KIAA1217: variants seen among roughly 807,000 people sequenced by gnomAD.
KIAA1217 encodes the protein sickle tail protein homolog.
KIAA1217 carries 88 observed loss-of-function variants against 163.9 expected under a neutral mutation model. The ratio of observed to expected loss-of-function variants is 0.54; its 90% CI spans 0.45 to 0.64. The LOEUF is 0.64. Among genes scored for constraint, KIAA1217 ranks in the 30% least tolerant of loss-of-function variants. KIAA1217 has a pLI of 0.00. For synonymous variants in KIAA1217, 903 were observed against 923.1 expected (o/e 0.98, Z 0.39); for missense variants, 2,372 against 2,475.0 (o/e 0.96, Z 0.88).
intron 2 of KIAA1217, among the ~76,000 whole-genome samples, chr10:24,105,457 G>T (rs911313152): frequency 1.3e-5 from 2 of 152,166 alleles, no homozygotes; most frequent in Non-Finnish European, 1.5e-5. Context: ...CCATCTCACA[G>T]GCGAGGATGA....
Position 23,768,301 on chromosome 10 carries a change from G to A in KIAA1217, c.-321+73067G>A, listed in dbSNP as rs533850483. Among the ~76,000 whole-genome samples the A allele has an allele frequency of 2.0e-5, 3 of 152,314 alleles. No individual in the cohort carries two copies. The East Asian group carries it at 5.8e-4, about 29-fold the overall frequency. On this transcript the variant is annotated intron_variant, in intron 1 of 18. Transcript: ENST00000376462. ...ATTCACCCCCAATGCTGGACACAGT[G>A]ACTTTGGAAACTCTCAAACAACTGG...
In KIAA1217 at chr10:24,309,150, A is replaced by AAGGG. The variant is rs1162538496; in HGVS notation, c.355-71701_355-71698dup. 9.2e-4 allele frequency among the ~76,000 whole-genome samples: 106 copies of AAGGG among 115,482 alleles called. 2 individuals are homozygous for AAGGG. Among genetic ancestry groups the AAGGG allele is most frequent in the Middle Eastern group, 4.2e-3 (1 of 236 alleles). The allele number at this position is 115,482 out of a possible 152,430, so 75.8% of individuals were successfully genotyped here. On this transcript the variant is annotated intron_variant, in intron 2 of 20. Coordinates refer to ENST00000376454, the MANE Select transcript of KIAA1217 (RefSeq NM_019590.5). ...AAAAAAAAAAAAAAAGGAAGGAAGG[A>AAGGG]AGGGAGGGAGGGAGGGAGGGAAGGA...
intron 1 of KIAA1217, among the ~76,000 whole-genome samples, chr10:23,951,711 T>C (rs1383410325): frequency 6.6e-6 from 1 of 152,158 alleles, no homozygotes; most frequent in Non-Finnish European, 1.5e-5. Flanking sequence ...GTTTTTAGTC[T>C]GCCGTGTGCA....
chr10:23,852,972 G>C (rs1839435395), intron 1 of KIAA1217, among the ~76,000 whole-genome samples: 1 of 152,182 alleles, frequency 6.6e-6, no homozygotes, highest in African/African-American at 2.4e-5. Context: ...GGGTCAATTT[G>C]ACTTCCTCTT....
At chr10:24,054,349 A>G (rs999924113) in intron 2 of KIAA1217, among the ~76,000 whole-genome samples, 2 of 152,190 alleles carry the variant, frequency 1.3e-5, no homozygotes, top group Non-Finnish European at 2.9e-5. Flanking sequence ...CCAGTATATG[A>G]GTGCTATTTA....
intron 3 of KIAA1217, among the ~76,000 whole-genome samples, chr10:24,401,858 T>A (rs2056562002): frequency 6.6e-6 from 1 of 152,094 alleles, no homozygotes; most frequent in South Asian, 2.1e-4. Context: ...AAGTAATGAG[T>A]GAGTTCAAGA....
chr10:23,803,673 T>G (rs1836589043), intron 1 of KIAA1217, among the ~76,000 whole-genome samples: 1 of 152,216 alleles, frequency 6.6e-6, no homozygotes, highest in Admixed American at 6.5e-5. Flanking sequence ...TCTGTCTTTG[T>G]TTATGATGTA....
intron 1 of KIAA1217, among the ~76,000 whole-genome samples, chr10:23,729,925 A>G (rs1467643904): frequency 6.7e-6 from 1 of 149,952 alleles, no homozygotes; most frequent in East Asian, 1.9e-4. Flanking sequence ...TTTTTTTGAC[A>G]TAGTCTCACT....
chr10:23,826,099 A>G (rs1837883388), intron 1 of KIAA1217, among the ~76,000 whole-genome samples: 1 of 152,120 alleles, frequency 6.6e-6, no homozygotes, highest in Non-Finnish European at 1.5e-5. Flanking sequence ...TTTGTGATGT[A>G]AGAGTGAGTT....
chr10:24,320,238 C>T (rs1360668233), intron 2 of KIAA1217, among the ~76,000 whole-genome samples: 2 of 152,210 alleles, frequency 1.3e-5, no homozygotes, highest in African/African-American at 4.8e-5. Flanking sequence ...TTTCTAATTA[C>T]ACTTCATGCA....
chr10:23,967,997 G>A (rs890260131), intron 1 of KIAA1217, among the ~76,000 whole-genome samples: 1 of 150,926 alleles, frequency 6.6e-6, no homozygotes, highest in Non-Finnish European at 1.5e-5. Context: ...TGTGGAATGT[G>A]CAGGTTTGTT....
chr10:24,397,789 C>T (rs2056006463), intron 3 of KIAA1217, among the ~76,000 whole-genome samples: 1 of 152,306 alleles, frequency 6.6e-6, no homozygotes, highest in Non-Finnish European at 1.5e-5. Context: ...TTTCTCTCTA[C>T]AGCAGTTATT....
chr10:24,077,835 C>A (rs2061416521), intron 2 of KIAA1217, among the ~76,000 whole-genome samples: 1 of 152,214 alleles, frequency 6.6e-6, no homozygotes, highest in African/African-American at 2.4e-5. Flanking sequence ...TTTTTCTCCA[C>A]AATGTGGCCA....
chr10:24,452,598 G>C (rs1480853430), intron 5 of KIAA1217, among the ~76,000 whole-genome samples: 1 of 150,750 alleles, frequency 6.6e-6, no homozygotes, highest in African/African-American at 2.4e-5. Context: ...AGGAGAATGG[G>C]GTGAACCCGG....
At chr10:24,271,593 A>G (rs957572748) in intron 2 of KIAA1217, among the ~76,000 whole-genome samples, 1 of 152,034 alleles carries the variant, frequency 6.6e-6, no homozygotes, top group African/African-American at 2.4e-5. Context: ...TCTGCAAAAA[A>G]TTATAATAAT....
chr10:23,939,630 C>T (rs1843671945), intron 1 of KIAA1217, among the ~76,000 whole-genome samples: 1 of 151,806 alleles, frequency 6.6e-6, no homozygotes, highest in Non-Finnish European at 1.5e-5. Context: ...AATAACAGAG[C>T]TTCAAAATAC....
chr10:23,769,366 C>G (rs967182154), intron 1 of KIAA1217, among the ~76,000 whole-genome samples: 2 of 152,130 alleles, frequency 1.3e-5, no homozygotes, highest in Non-Finnish European at 2.9e-5. Flanking sequence ...TTAGGCTTTA[C>G]AGTAGTGATG....
intron 3 of KIAA1217, among the ~76,000 whole-genome samples, chr10:24,390,612 C>T (rs2054791351): frequency 1.3e-5 from 2 of 152,110 alleles, no homozygotes; most frequent in African/African-American, 4.8e-5. Flanking sequence ...GTCCTTTATA[C>T]TCAGCAGGAG....
At chr10:24,048,729 C>CAA (rs544352537) in intron 2 of KIAA1217, among the ~76,000 whole-genome samples, 2 of 127,896 alleles carry the variant, frequency 1.6e-5, no homozygotes, top group East Asian at 2.5e-4. Context: ...GACTCTGTCT[C>CAA]AAAAAAAAAA....
Sources: allele counts gnomAD v4.1 joint callset (sites outside exome capture counted in the v4.1 genomes callset), GRCh38; gene constraint gnomAD v4.1.1; transcripts MANE v1.5; gene names NCBI Gene and HGNC (gene_info 2026-07-23, HGNC 2026-07-21).